Variants in RALYL observed in about 807,000 individuals in gnomAD.
The protein encoded by RALYL is RALY RNA binding protein like.
In RALYL, 29 loss-of-function variants were observed where a neutral mutation model predicts 35.1. That is an observed-to-expected ratio of 0.83 (90% confidence interval 0.61 to 1.13). The LOEUF is 1.13. Among genes scored for constraint, RALYL ranks in the 50% most tolerant of loss-of-function variants. The pLI is 0.00. For missense variants in RALYL, 359 were observed against 360.4 expected (o/e 1.00, Z 0.03); for synonymous variants, 120 against 127.6 (o/e 0.94, Z 0.40).
At chr8:84,724,956 C>A (rs1388288009) in intron 2 of RALYL, among the ~76,000 whole-genome samples, 1 of 151,584 alleles carries the variant, frequency 6.6e-6, no homozygotes, top group Admixed American at 6.6e-5. Flanking sequence ...ATGTTGCAAT[C>A]ACTAATTAAT....
At chr8:84,702,905 G>A (rs1840460920) in intron 2 of RALYL, among the ~76,000 whole-genome samples, 1 of 152,120 alleles carries the variant, frequency 6.6e-6, no homozygotes, top group African/African-American at 2.4e-5. Context: ...GGGAGTAGAT[G>A]AGGAGAATGT....
intron 1 of RALYL, among the ~76,000 whole-genome samples, chr8:84,514,112 A>AAAAGAAAG (rs1336663746): frequency 5.7e-5 from 8 of 140,106 alleles, no homozygotes; most frequent in African/African-American, 2.1e-4. Context: ...AAAAAAAAAA[A>AAAAGAAAG]AAAGAAAGAA....
chr8:84,536,699 T>C (rs1214929225), intron 2 of RALYL, among the ~76,000 whole-genome samples: 1 of 152,202 alleles, frequency 6.6e-6, no homozygotes, highest in Non-Finnish European at 1.5e-5. Flanking sequence ...CATTATGTAA[T>C]TCTATTACCA....
At chr8:84,185,018 G>C in intron 1 of RALYL, 2 of 1,613,990 alleles carry the variant, frequency 1.2e-6, no homozygotes, top group Non-Finnish European at 1.7e-6. Flanking sequence ...CGACGCAGTA[G>C]GTCCTACCCA....
intron 4 of RALYL, among the ~76,000 whole-genome samples, chr8:84,829,144 A>T (rs1420455947): frequency 6.6e-6 from 1 of 152,138 alleles, no homozygotes; most frequent in Non-Finnish European, 1.5e-5. Flanking sequence ...GGCAGGCAAG[A>T]GAGCATGTGC....
chr8:84,703,794 G>C (rs1840640044), intron 2 of RALYL, among the ~76,000 whole-genome samples: 1 of 152,068 alleles, frequency 6.6e-6, no homozygotes, highest in African/African-American at 2.4e-5. Context: ...TTCGTGCCTT[G>C]TTGGTCTTAT....
chr8:84,627,485 A>G (rs75760878), intron 2 of RALYL, among the ~76,000 whole-genome samples: 4 of 148,444 alleles, frequency 2.7e-5, no homozygotes, highest in African/African-American at 1.0e-4. Context: ...TTCATGGACA[A>G]TTTTCAGTTT....
chr8:84,464,664 G>A (rs2051302923), intron 1 of RALYL, among the ~76,000 whole-genome samples: 1 of 151,942 alleles, frequency 6.6e-6, no homozygotes, highest in Admixed American at 6.6e-5. Flanking sequence ...CCAGTAATGG[G>A]ATGGCTGGGT....
chr8:84,912,210 G>A (rs894450854), intron 8 of RALYL, among the ~76,000 whole-genome samples: 1 of 152,100 alleles, frequency 6.6e-6, no homozygotes, highest in East Asian at 1.9e-4. Flanking sequence ...AATAACAAAA[G>A]ACACTGCTAT....
chr8:84,245,265 G>A (rs1828833655), intron 1 of RALYL, among the ~76,000 whole-genome samples: 1 of 152,132 alleles, frequency 6.6e-6, no homozygotes, highest in Non-Finnish European at 1.5e-5. Context: ...TGGAACAATT[G>A]TCTCTGCTAG....
At chr8:84,473,191 T>C (rs987529971) in intron 1 of RALYL, among the ~76,000 whole-genome samples, 2 of 152,048 alleles carry the variant, frequency 1.3e-5, no homozygotes, top group African/African-American at 4.8e-5. Flanking sequence ...TAATATATAA[T>C]ACATGTGCTG....
intron 1 of RALYL, among the ~76,000 whole-genome samples, chr8:84,517,731 G>T (rs531827229): frequency 6.6e-6 from 1 of 152,230 alleles, no homozygotes; most frequent in South Asian, 2.1e-4. Flanking sequence ...TTCCACTGAA[G>T]AAAAATAGTC....
At chr8:84,458,418 T>C (rs1162928590) in intron 1 of RALYL, among the ~76,000 whole-genome samples, 2 of 151,822 alleles carry the variant, frequency 1.3e-5, no homozygotes, top group Non-Finnish European at 2.9e-5. Flanking sequence ...CACATAGGGT[T>C]CTATACTGTA....
chr8:84,815,054 T>TA (rs1478823248), intron 4 of RALYL, among the ~76,000 whole-genome samples: 1 of 152,222 alleles, frequency 6.6e-6, no homozygotes, highest in Non-Finnish European at 1.5e-5. Flanking sequence ...TGTAAACACT[T>TA]ACCATCTCTG....
chr8:84,381,188 G>A (rs561734955), intron 1 of RALYL, among the ~76,000 whole-genome samples: 1 of 151,934 alleles, frequency 6.6e-6, no homozygotes, highest in East Asian at 1.9e-4. Context: ...ACCTCACTAA[G>A]GACATTTAAG....
At chr8:84,234,769 A>ATT (rs113212845) in intron 1 of RALYL, among the ~76,000 whole-genome samples, 140 of 149,074 alleles carry the variant, frequency 9.4e-4, no homozygotes, top group Admixed American at 1.7e-3. Flanking sequence ...TTATTTATTT[A>ATT]TTTTTTTTTT....
At chr8:84,400,193 A>G (rs1156593059) in intron 1 of RALYL, among the ~76,000 whole-genome samples, 1 of 152,200 alleles carries the variant, frequency 6.6e-6, no homozygotes, top group Non-Finnish European at 1.5e-5. Flanking sequence ...ACACAATGAA[A>G]TATGTTAGGG....
chr8:84,344,853 G>T (rs770371029), intron 1 of RALYL, among the ~76,000 whole-genome samples: 5 of 151,998 alleles, frequency 3.3e-5, no homozygotes, highest in Non-Finnish European at 5.9e-5. Flanking sequence ...GTTCATTCAT[G>T]TTGTTGCAAA....
intron 1 of RALYL, among the ~76,000 whole-genome samples, chr8:84,430,512 A>C (rs1279086117): frequency 6.6e-6 from 1 of 152,124 alleles, no homozygotes; most frequent in Admixed American, 6.6e-5. Context: ...AAAAACATCT[A>C]TTCTCCATCT....
Sources: gnomAD v4.1 joint callset for allele counts (sites outside exome capture counted in the v4.1 genomes callset) on GRCh38, gnomAD v4.1.1 for gene constraint, MANE v1.5 for transcripts, NCBI Gene and HGNC (gene_info 2026-07-23, HGNC 2026-07-21) for gene names.